HACE1: variants seen among roughly 807,000 people sequenced by gnomAD.
HACE1 encodes HECT domain and ankyrin repeat containing E3 ubiquitin protein ligase 1.
Under a neutral mutation model 118.4 loss-of-function variants are expected in HACE1, and 73 were observed. The observed-to-expected ratio is 0.62, with a 90% confidence interval of 0.51 to 0.75. The LOEUF (loss-of-function observed/expected upper bound fraction) is 0.75, where lower values mean the gene tolerates loss of function less well. HACE1 is among the 30% of genes least tolerant of loss of function. The pLI is 0.00. For missense variants in HACE1, 749 were observed against 1,102.2 expected (o/e 0.68, Z 4.54); for synonymous variants, 368 against 374.8 (o/e 0.98, Z 0.21).
intron 7 of HACE1, among the ~76,000 whole-genome samples, chr6:104,798,524 C>T (rs904112551): frequency 2.0e-5 from 3 of 151,808 alleles, no homozygotes; most frequent in Non-Finnish European, 2.9e-5. Context: ...ACCAATAAGC[C>T]CTAACTTAAG....
rs2114334212 is a variant in HACE1 at position 104,729,750 on chromosome 6, T to C, written c.2642A>G (p.Lys881Arg). 2 of 1,488,398 alleles carry C rather than the reference T, an allele frequency of 1.3e-6. No homozygotes were observed. Among genetic ancestry groups the C allele is most frequent in the Non-Finnish European group, 1.9e-6 (2 of 1,066,178 alleles). The allele number at this position is 1,488,398 out of a possible 1,614,324, so 92.2% of individuals were successfully genotyped here. A position where few individuals can be genotyped will look rare whatever the true frequency, so the allele number is the denominator to read the frequency against. The part of the protein sequence containing the change: ...PTSSTCINML[K>R]LPEYPSKEIL... ...TTCTTTACTTGGGTATTCAGGTAAC[T>C]TGAGCATGTTGATGCTTTAAAAGAA... The change falls in exon 24 of 24, where the codon AAG (lysine) becomes AGG (arginine). Residue 881 changes from lysine (K) to arginine (R), a missense_variant. Lys to Arg is a conservative substitution (Grantham distance 26). Coordinates refer to ENST00000262903, the MANE Select transcript of HACE1 (RefSeq NM_020771.4).
At chr6:104,744,075 A>C in intron 22 of HACE1, 85 bp downstream of exon 22, 2 of 829,904 alleles carry the variant, frequency 2.4e-6, no homozygotes, top group South Asian at 2.8e-5. Context: ...ATTCAGAGTA[A>C]TAATTCCTTA....
In HACE1 at chr6:104,806,692, G is replaced by A. The variant is rs1771033483; in HGVS notation, c.617+4619C>T. On this transcript the variant is annotated intron_variant, in intron 7 of 23. Transcript: ENST00000262903. Reference sequence around the variant, plus strand: ...ATAATCATTCTTTATAAATGAAGTTGTTTTTGAGATAGTCTCAATTTTTTA... The same window carrying A: ...ATAATCATTCTTTATAAATGAAGTTATTTTTGAGATAGTCTCAATTTTTTA... 5.3e-5 allele frequency among the ~76,000 whole-genome samples: 8 copies of A among 152,202 alleles called. No individual in the cohort carries two copies. In the South Asian group the frequency reaches 1.5e-3, roughly 28 times the overall value.
intron 22 of HACE1, chr6:104,731,998 C>T (rs1775261820): frequency 6.6e-6 from 1 of 151,720 alleles, no homozygotes. Context: ...AGGGAAATGC[C>T]AATCAAAACC....
intron 7 of HACE1, among the ~76,000 whole-genome samples, chr6:104,803,616 CAT>C (rs1770649860): frequency 6.6e-6 from 1 of 152,212 alleles, no homozygotes; most frequent in African/African-American, 2.4e-5. Flanking sequence ...GCAAAAACCA[CAT>C]GATTATCTCA....
At chr6:104,789,902 T>C (rs1053000404) in intron 11 of HACE1, among the ~76,000 whole-genome samples, 1 of 152,146 alleles carries the variant, frequency 6.6e-6, no homozygotes, top group Admixed American at 6.5e-5. Flanking sequence ...GCAGTAAAGC[T>C]TGCTTAAAAC....
At chr6:104,811,191 T>A (rs1771554263) in intron 7 of HACE1, 120 bp downstream of exon 7, 1 of 209,608 alleles carries the variant, frequency 4.8e-6, no homozygotes, top group Non-Finnish European at 9.1e-6. Flanking sequence ...GAAACGTGTG[T>A]GTCTAGAAAT....
At chr6:104,816,987 C>A (rs573946383) in intron 6 of HACE1, among the ~76,000 whole-genome samples, 1 of 152,276 alleles carries the variant, frequency 6.6e-6, no homozygotes, top group South Asian at 2.1e-4. Context: ...TGGCCAATTT[C>A]TCCCACTTGG....
intron 1 of HACE1, 90 bp downstream of exon 1, chr6:104,859,476 GT>G: frequency 2.0e-6 from 2 of 1,008,896 alleles, no homozygotes; most frequent in African/African-American, 1.7e-5. Context: ...CTTTCAGTTA[GT>G]TTTTCCACCC....
chr6:104,785,466 C>A, intron 11 of HACE1, 147 bp from the exon 12 acceptor site: 1 of 625,464 alleles, frequency 1.6e-6, no homozygotes, highest in Non-Finnish European at 2.8e-6. Context: ...ATAGTAATGC[C>A]TAAAGGTAAG....
intron 10 of HACE1, among the ~76,000 whole-genome samples, chr6:104,793,246 G>A (rs1173264211): frequency 1.5e-5 from 2 of 133,642 alleles, no homozygotes; most frequent in Non-Finnish European, 3.1e-5. Context: ...CAGCCTGGGC[G>A]ATAGAGCGAG....
intron 22 of HACE1, among the ~76,000 whole-genome samples, chr6:104,740,129 G>A (rs987498854): frequency 2.0e-5 from 3 of 148,624 alleles, no homozygotes; most frequent in Admixed American, 1.3e-4. Context: ...TGAGAACAAC[G>A]ACACAACATA....
At chr6:104,774,493 T>C (rs1781014297) in intron 17 of HACE1, among the ~76,000 whole-genome samples, 1 of 152,000 alleles carries the variant, frequency 6.6e-6, no homozygotes, top group African/African-American at 2.4e-5. Flanking sequence ...CAAGAGATTC[T>C]CCTCCCTCAG....
At chr6:104,812,700 G>T (rs1026725497) in intron 6 of HACE1, among the ~76,000 whole-genome samples, 1 of 151,978 alleles carries the variant, frequency 6.6e-6, no homozygotes, top group African/African-American at 2.4e-5. Flanking sequence ...GCCCACAAAT[G>T]GGGATTCCAA....
intron 22 of HACE1, among the ~76,000 whole-genome samples, chr6:104,737,284 A>AAAC (rs1356540880): frequency 1.1e-5 from 1 of 94,160 alleles, no homozygotes; most frequent in Non-Finnish European, 2.1e-5. Context: ...CTCTCTCTCA[A>AAAC]AAAAAAAAAA....
At chr6:104,740,416 G>T (rs146055202) in intron 22 of HACE1, among the ~76,000 whole-genome samples, 3 of 151,814 alleles carry the variant, frequency 2.0e-5, no homozygotes, top group African/African-American at 4.8e-5. Flanking sequence ...TTGATAGACC[G>T]CTAGCAAGAC....
chr6:104,840,410 C>T (rs1199748840), intron 5 of HACE1, among the ~76,000 whole-genome samples: 1 of 152,088 alleles, frequency 6.6e-6, no homozygotes, highest in Non-Finnish European at 1.5e-5. Context: ...GGAGGAGGGG[C>T]TGAAAAAGAG....
At chr6:104,848,783 C>T (rs1775902298) in intron 4 of HACE1, among the ~76,000 whole-genome samples, 2 of 151,926 alleles carry the variant, frequency 1.3e-5, no homozygotes, top group African/African-American at 4.8e-5. Flanking sequence ...AAAAAGCACA[C>T]TAAAATAGAG....
In HACE1 at chr6:104,859,726, C is replaced by T. The variant is rs1307603608; in HGVS notation, c.-84G>A. On this transcript the variant is annotated 5_prime_UTR_variant, in exon 1 of 24. Transcript: ENST00000262903. ...CCAGAGCCCTACATCTCGCCTGGGC[C>T]CGTCCAGCAGGCGGAGACGCGGGCT... 5 of 1,249,264 alleles carry T rather than the reference C, an allele frequency of 4.0e-6. No individual in the cohort carries two copies. The highest frequency in any genetic ancestry group is 5.5e-6 in the Non-Finnish European group (5 of 901,814). 77.4% of individuals were successfully genotyped at this position (1,249,264 alleles called of 1,614,324 possible). A position where few individuals can be genotyped will look rare whatever the true frequency, so the allele number is the denominator to read the frequency against.
Sources: allele counts gnomAD v4.1 joint callset (sites outside exome capture counted in the v4.1 genomes callset), GRCh38; gene constraint gnomAD v4.1.1; transcripts MANE v1.5; gene names NCBI Gene and HGNC (gene_info 2026-07-23, HGNC 2026-07-21).